PRDM16: variants seen among roughly 807,000 people sequenced by gnomAD.
PRDM16 encodes the protein PR/SET domain 16.
PRDM16 carries 23 observed loss-of-function variants against 110.6 expected under a neutral mutation model. The ratio of observed to expected loss-of-function variants is 0.21; its 90% CI spans 0.15 to 0.29. The LOEUF (loss-of-function observed/expected upper bound fraction) is 0.29, where lower values mean the gene tolerates loss of function less well. Ranked by LOEUF, PRDM16 falls within the 10% of genes least tolerant of loss-of-function variation. PRDM16 has a pLI of 1.00. For synonymous variants in PRDM16, 799 were observed against 781.8 expected, an observed-to-expected ratio of 1.02 and a Z score of -0.37; for missense variants, 1,615 against 1,794.3, an observed-to-expected ratio of 0.90 and a Z score of 1.81.
At chr1:3,149,296 C>A (rs144543881) in intron 1 of PRDM16, among the ~76,000 whole-genome samples, 8 of 152,316 alleles carry the variant, frequency 5.3e-5, no homozygotes, top group African/African-American at 1.2e-4. Context: ...GAAGATGAAG[C>A]AGGCAGGTCT....
intron 3 of PRDM16, among the ~76,000 whole-genome samples, chr1:3,316,478 G>C (rs891760430): frequency 6.6e-6 from 1 of 152,246 alleles, no homozygotes; most frequent in African/African-American, 2.4e-5. Context: ...ATTCAGGACA[G>C]GGAGGACCTG....
Position 3,181,004 on chromosome 1 carries a change from ACGCGGTCTTACAAATGCG to A in PRDM16, c.38-5120_38-5103del, listed in dbSNP as rs1411944103. Reference sequence around the variant, plus strand: ...CACGCAGTCTTACACACGATCTTACACGCGGTCTTACAAATGCGGTCTTACACGCGGTCTTACACACGC... The same window carrying A: ...CACGCAGTCTTACACACGATCTTACAGTCTTACACGCGGTCTTACACACGC... On this transcript the variant is annotated intron_variant, in intron 1 of 16. Transcript: ENST00000270722. Among the ~76,000 whole-genome samples the A allele has an allele frequency of 2.8e-4, 40 of 144,134 alleles. 1 individual carries two copies. The highest frequency in any genetic ancestry group is 1.6e-3 in the South Asian group (7 of 4,396). The allele number at this position is 144,134 out of a possible 152,430, so 94.6% of individuals were successfully genotyped here.
chr1:3,297,347 G>A (rs748507730), intron 3 of PRDM16, among the ~76,000 whole-genome samples: 8 of 147,024 alleles, frequency 5.4e-5, no homozygotes, highest in Non-Finnish European at 8.9e-5. Context: ...GCAATGGCGC[G>A]ATCTTGGCTC....
At chr1:3,316,885 A>C (rs1218571247) in intron 3 of PRDM16, among the ~76,000 whole-genome samples, 1 of 152,206 alleles carries the variant, frequency 6.6e-6, no homozygotes, top group Non-Finnish European at 1.5e-5. Context: ...GTAATGATAC[A>C]ATGTAGCCAG....
rs369442806 is a variant in PRDM16, at chr1:3,402,989, A to T, written c.875A>T (p.Asn292Ile). 3.3e-5 allele frequency: 53 copies of T among 1,603,738 alleles called. No homozygotes were observed. The highest frequency in any genetic ancestry group is 4.4e-5 in the Non-Finnish European group (52 of 1,176,924). Residue 292 changes from asparagine to isoleucine, a missense_variant, in exon 6 of 17, where the codon AAC becomes ATC. Physicochemically the swap from Asn to Ile is moderately radical, Grantham distance 149. Around this residue, in one of 5 missense-constraint regions of PRDM16, gnomAD observed 416 missense variants for 467.1 expected, o/e 0.89. Coordinates refer to ENST00000270722, the MANE Select transcript of PRDM16 (RefSeq NM_022114.4). ...ECKDCERMFPNKYSLEQHMVI... is the reference protein window; with the variant it reads ...ECKDCERMFPIKYSLEQHMVI... ...AAGGACTGCGAGCGGATGTTCCCCAACAAGTACAGGTGCCACGCCCTCCTC... is the reference window on the plus strand; with the variant it reads ...AAGGACTGCGAGCGGATGTTCCCCATCAAGTACAGGTGCCACGCCCTCCTC...
chr1:3,240,298 C>T (rs1285937516), intron 2 of PRDM16, among the ~76,000 whole-genome samples: 1 of 150,926 alleles, frequency 6.6e-6, no homozygotes, highest in African/African-American at 2.4e-5. Context: ...CTTGTTGTCC[C>T]AGCTACTCAG....
chr1:3,098,080 C>T (rs1316880405), intron 1 of PRDM16, among the ~76,000 whole-genome samples: 1 of 152,184 alleles, frequency 6.6e-6, no homozygotes, highest in Non-Finnish European at 1.5e-5. Flanking sequence ...GCGGCTCCTT[C>T]CCAGTCTGTA....
At chr1:3,071,203 C>A (rs889002411) in intron 1 of PRDM16, among the ~76,000 whole-genome samples, 2 of 152,264 alleles carry the variant, frequency 1.3e-5, no homozygotes, top group African/African-American at 4.8e-5. Flanking sequence ...AAGCGAGAGG[C>A]GGACTCGGCG....
At chr1:3,312,606 C>T (rs972764521) in intron 3 of PRDM16, among the ~76,000 whole-genome samples, 11 of 152,346 alleles carry the variant, frequency 7.2e-5, no homozygotes, top group East Asian at 3.9e-4. Context: ...CCCAGAAGTC[C>T]GGTGAGGGGC....
intron 1 of PRDM16, among the ~76,000 whole-genome samples, chr1:3,150,344 T>A (rs1262647531): frequency 2.0e-5 from 3 of 146,900 alleles, no homozygotes; most frequent in Non-Finnish European, 3.0e-5. Context: ...TGACTTGTGG[T>A]CAGGAGTTCG....
chr1:3,422,036 A>C (rs1354205615), intron 12 of PRDM16, among the ~76,000 whole-genome samples: 1 of 143,016 alleles, frequency 7.0e-6, no homozygotes, highest in Non-Finnish European at 1.5e-5. Context: ...AGACAGGTAG[A>C]TGGACAGATG....
Position 3,324,737 on chromosome 1 carries a change from A to AC in PRDM16, c.439-60408dup, listed in dbSNP as rs915291415. ...AGATGTCCCCCCTGATTCCGTCGTC[A>AC]CCCCCCCTTGATTCCGTCATCACCC... On this transcript the variant is annotated intron_variant, in intron 3 of 16. Transcript: ENST00000270722. Among the ~76,000 whole-genome samples, 11 of 125,882 alleles carry AC rather than the reference A, an allele frequency of 8.7e-5. No individual in the cohort carries two copies. In the East Asian group the frequency reaches 2.3e-3, roughly 26 times the overall value. 82.6% of individuals were successfully genotyped at this position (125,882 alleles called of 152,430 possible).
rs1219864525 is a variant in PRDM16 at position 3,190,236 on chromosome 1, C to A, written c.387+3762C>A. Among the ~76,000 whole-genome samples, 10 of 148,350 alleles carry A rather than the reference C, an allele frequency of 6.7e-5. No homozygotes were observed. The highest frequency in any genetic ancestry group is 6.7e-4 in the Admixed American group (10 of 15,008). On this transcript the variant is annotated intron_variant, in intron 2 of 16. Transcript: ENST00000270722. This position sits in a 1 kb window ranked among gnomAD's most constrained non-coding sequence, Gnocchi z 5.0. ...TCGTGGGGCAGCCTTACTTCAAGGT[C>A]GTGGGGCAGCCTTACTTCAAGGTCG... is the stretch of plus-strand genomic sequence containing the variant.
chr1:3,149,908 C>A (rs1643745042), intron 1 of PRDM16, among the ~76,000 whole-genome samples: 1 of 152,192 alleles, frequency 6.6e-6, no homozygotes, highest in Non-Finnish European at 1.5e-5. Context: ...TTTGAAGCTG[C>A]CTAGTTCCTG....
chr1:3,264,419 G>A (rs1418700392), intron 3 of PRDM16, among the ~76,000 whole-genome samples: 1 of 149,278 alleles, frequency 6.7e-6, no homozygotes, highest in Non-Finnish European at 1.5e-5. Context: ...GAGCATCCGA[G>A]GACCCTAGGC....
intron 1 of PRDM16, among the ~76,000 whole-genome samples, chr1:3,152,614 C>T (rs1047173270): frequency 7.2e-5 from 11 of 152,210 alleles, no homozygotes; most frequent in Admixed American, 7.2e-4. Context: ...GAGCATGTTG[C>T]TCAGGAAGTT....
chr1:3,103,122 G>A (rs1374376632), intron 1 of PRDM16, among the ~76,000 whole-genome samples: 1 of 152,212 alleles, frequency 6.6e-6, no homozygotes, highest in Non-Finnish European at 1.5e-5. Flanking sequence ...GGAGAGATGG[G>A]CAGCTCCATC....
intron 1 of PRDM16, among the ~76,000 whole-genome samples, chr1:3,177,702 C>T (rs973370968): frequency 2.0e-5 from 3 of 152,228 alleles, no homozygotes; most frequent in Non-Finnish European, 4.4e-5. Flanking sequence ...ATTCTAGAAT[C>T]GAACAGCTGT....
At chr1:3,092,097 C>A (rs1271202607) in intron 1 of PRDM16, among the ~76,000 whole-genome samples, 1 of 146,966 alleles carries the variant, frequency 6.8e-6, no homozygotes, top group African/African-American at 2.6e-5. Flanking sequence ...GCTCCCTGGG[C>A]CCCCATGTCA....
Sources: gnomAD v4.1 joint callset for allele counts (sites outside exome capture counted in the v4.1 genomes callset) on GRCh38, gnomAD v4.1.1 for gene constraint, gnomAD v4.1.1 regional missense constraint, Gnocchi (gnomAD v3.1) non-coding constraint, MANE v1.5 for transcripts, NCBI Gene and HGNC (gene_info 2026-07-23, HGNC 2026-07-21) for gene names.